Variants in NGEF observed in about 807,000 individuals in gnomAD.
NGEF encodes the protein neuronal guanine nucleotide exchange factor, also known as ephexin-1.
A neutral mutation model predicts 80.9 loss-of-function variants in NGEF; 31 were observed. That is an observed-to-expected ratio of 0.38 (90% CI 0.29 to 0.52). The LOEUF (loss-of-function observed/expected upper bound fraction) is 0.52. Among genes scored for constraint, NGEF ranks in the 20% least tolerant of loss-of-function variants. The pLI is 0.84. For synonymous variants in NGEF, 371 were observed against 370.2 expected (o/e 1.00, Z -0.03); for missense variants, 709 against 926.2 (o/e 0.77, Z 3.04).
At chr2:232,888,556 C>T (rs575652427) in intron 8 of NGEF, among the ~76,000 whole-genome samples, 1 of 152,132 alleles carries the variant, frequency 6.6e-6, no homozygotes, top group African/African-American at 2.4e-5. Flanking sequence ...TACATGCATA[C>T]CTGCACACAC....
chr2:232,929,490 G>T (rs528136020), intron 3 of NGEF, among the ~76,000 whole-genome samples: 24 of 152,186 alleles, frequency 1.6e-4, no homozygotes, highest in Middle Eastern at 3.2e-3. Context: ...CTGCCACTTA[G>T]CCCTGGTGCC....
Position 232,900,286 on chromosome 2 carries a change from GCT to G in NGEF, c.829-5372_829-5371del, listed in dbSNP as rs1437751696. On this transcript the variant is annotated intron_variant, in intron 5 of 14. Coordinates refer to ENST00000264051, the MANE Select transcript of NGEF (RefSeq NM_019850.3). Reference sequence around the variant, plus strand: ...CGTTCACTCACATTCACACACACACGCTCTCAGTCACTCATATACACGTTCAC... The same window carrying G: ...CGTTCACTCACATTCACACACACACGCTCAGTCACTCATATACACGTTCAC... Among the ~76,000 whole-genome samples the G allele has an allele frequency of 3.4e-4, 25 of 72,826 alleles. 1 individual carries two copies. Among genetic ancestry groups the G allele is most frequent in the South Asian group, 5.0e-4 (1 of 2,020 alleles). The allele number at this position is 72,826 out of a possible 152,430, so 47.8% of individuals were successfully genotyped here. A position where few individuals can be genotyped will look rare whatever the true frequency, so the allele number is the denominator to read the frequency against.
chr2:232,984,599 C>G (rs1180631036), intron 1 of NGEF, among the ~76,000 whole-genome samples: 1 of 152,122 alleles, frequency 6.6e-6, no homozygotes, highest in Non-Finnish European at 1.5e-5. Flanking sequence ...AGGCCAATGA[C>G]AGCGTGATGG....
At position 232,906,657 on chromosome 2, in the gene NGEF, G is replaced by A. The variant is rs1198834747; in HGVS notation, c.829-11741C>T. ...TGGGAAGTGAGGAGCCCCTCTGCCCGGCCACCACCCCATCTGGGAGGTGTA... is the reference window on the plus strand; with the variant it reads ...TGGGAAGTGAGGAGCCCCTCTGCCCAGCCACCACCCCATCTGGGAGGTGTA... On this transcript the variant is annotated intron_variant, in intron 5 of 14. Coordinates refer to ENST00000264051, the MANE Select transcript of NGEF (RefSeq NM_019850.3). Among the ~76,000 whole-genome samples the A allele has an allele frequency of 3.4e-5, 3 of 89,078 alleles. 1 individual carries two copies. Among genetic ancestry groups the A allele is most frequent in the South Asian group, 3.5e-4 (1 of 2,830 alleles). 58.4% of individuals were successfully genotyped at this position (89,078 alleles called of 152,430 possible). A position where few individuals can be genotyped will look rare whatever the true frequency, so the allele number is the denominator to read the frequency against.
intron 1 of NGEF, among the ~76,000 whole-genome samples, chr2:233,001,448 G>T (rs541131887): frequency 1.3e-5 from 2 of 152,212 alleles, no homozygotes; most frequent in Non-Finnish European, 2.9e-5. Flanking sequence ...CCTGAGGAAG[G>T]TTTCCTGAGG....
At position 232,925,655 on chromosome 2, in the gene NGEF, T is replaced by C. The variant is rs375296590; in HGVS notation, c.526+1389A>G. ...CACGATCTCCTCCCCAACCTGGATG[T>C]CTTTCCTGGTAGTGACACTGATCTT... is the stretch of plus-strand genomic sequence containing the variant. On this transcript the variant is annotated intron_variant, in intron 4 of 14. Coordinates refer to ENST00000264051, the MANE Select transcript of NGEF (RefSeq NM_019850.3). Among the ~76,000 whole-genome samples the C allele has an allele frequency of 5.3e-5, 8 of 152,282 alleles. No individual in the cohort carries two copies. The East Asian group carries it at 1.4e-3, about 26-fold the overall frequency.
intron 3 of NGEF, among the ~76,000 whole-genome samples, chr2:232,940,951 A>G (rs796116144): frequency 6.6e-6 from 1 of 150,378 alleles, no homozygotes; most frequent in Non-Finnish European, 1.5e-5. Flanking sequence ...AGACAGGGGA[A>G]TTGCAATAGA....
At chr2:232,960,205 T>C (rs1693917642) in intron 3 of NGEF, among the ~76,000 whole-genome samples, 2 of 152,266 alleles carry the variant, frequency 1.3e-5, no homozygotes, top group South Asian at 4.1e-4. Flanking sequence ...GTATGCTAAA[T>C]ATCAACTTAT....
chr2:232,891,431 C>T lies in NGEF; in HGVS notation c.1199G>A (p.Cys400Tyr). 1 of 1,613,476 alleles carries T rather than the reference C, an allele frequency of 6.2e-7. No homozygotes were observed. The highest frequency in any genetic ancestry group is 8.5e-7 in the Non-Finnish European group (1 of 1,179,966). Reference protein sequence around the residue: ...LIAQLELDPKCRGLPFSSFLI... With the variant: ...LIAQLELDPKYRGLPFSSFLI... ...GAAGGAGGAGAAGGGCAGCCCCCTGCACTTGGGGTCGAGCTCTAGCTGCGC... is the reference window on the plus strand; with the variant it reads ...GAAGGAGGAGAAGGGCAGCCCCCTGTACTTGGGGTCGAGCTCTAGCTGCGC... The change falls in exon 8 of 15, where the codon TGC (cysteine) becomes TAC (tyrosine). Residue 400 changes from cysteine to tyrosine, a missense_variant. Physicochemically the swap from Cys to Tyr is radical, Grantham distance 194. This residue lies in a region of NGEF where 426 missense variants were observed against 622.9 expected (regional missense o/e 0.68). Transcript: ENST00000264051.
intron 8 of NGEF, among the ~76,000 whole-genome samples, chr2:232,890,221 TGGAGGG>T (rs1691835631): frequency 6.7e-6 from 1 of 149,200 alleles, no homozygotes; most frequent in Admixed American, 6.7e-5. Context: ...GCCTGTCAGG[TGGAGGG>T]GGTCTCTGTC....
In NGEF at chr2:232,901,313, A is replaced by G. The variant is rs1008925972; in HGVS notation, c.829-6397T>C. On this transcript the variant is annotated intron_variant, in intron 5 of 14. Coordinates refer to ENST00000264051, the MANE Select transcript of NGEF (RefSeq NM_019850.3). Reference sequence around the variant, plus strand: ...CACTCGGATCAACCCTGCGTTCCCCACCCTCAGCAAAGCTCGAGGCTGCGC... The same window carrying G: ...CACTCGGATCAACCCTGCGTTCCCCGCCCTCAGCAAAGCTCGAGGCTGCGC... 82 of 959,934 alleles carry G rather than the reference A, an allele frequency of 8.5e-5. 1 individual carries two copies. The Admixed American group carries it at 1.4e-3, about 17-fold the overall frequency. The allele number at this position is 959,934 out of a possible 1,614,324, so 59.5% of individuals were successfully genotyped here.
intron 5 of NGEF, among the ~76,000 whole-genome samples, chr2:232,905,094 C>G (rs1418073583): frequency 1.3e-5 from 2 of 150,996 alleles, no homozygotes; most frequent in African/African-American, 4.8e-5. Flanking sequence ...TCTCCCCTCT[C>G]TCTCCTCTCA....
At chr2:232,975,604 C>T (rs546902969) in intron 1 of NGEF, among the ~76,000 whole-genome samples, 3 of 152,226 alleles carry the variant, frequency 2.0e-5, no homozygotes, top group East Asian at 1.9e-4. Flanking sequence ...ATCATCTGAA[C>T]GAGGACACTT....
chr2:232,963,474 T>G (rs1038439789), intron 3 of NGEF, among the ~76,000 whole-genome samples: 3 of 151,920 alleles, frequency 2.0e-5, no homozygotes, highest in Non-Finnish European at 4.4e-5. Flanking sequence ...ATAAAAAAAT[T>G]TCTAACTTAG....
At chr2:232,906,832 T>C (rs1184397273) in intron 5 of NGEF, among the ~76,000 whole-genome samples, 21 of 151,804 alleles carry the variant, frequency 1.4e-4, no homozygotes, top group African/African-American at 3.4e-4. Flanking sequence ...TTTTGTTCTG[T>C]ACTAAGAAAA....
intron 5 of NGEF, among the ~76,000 whole-genome samples, chr2:232,906,071 A>AG (rs1264612397): frequency 1.0e-5 from 1 of 96,468 alleles, no homozygotes; most frequent in Non-Finnish European, 2.1e-5. Context: ...GAGGGAGGTG[A>AG]GGGGGTCAGC....
At chr2:232,889,683 G>A (rs552973949) in intron 8 of NGEF, among the ~76,000 whole-genome samples, 19 of 152,246 alleles carry the variant, frequency 1.2e-4, no homozygotes, top group East Asian at 3.9e-4. Context: ...GGTGTCTTCC[G>A]GTTTGGGGTC....
chr2:232,891,221 G>A, intron 8 of NGEF, 137 bp downstream of exon 8: 1 of 1,193,286 alleles, frequency 8.4e-7, no homozygotes, highest in Admixed American at 2.0e-5. Context: ...TCACTGCCCA[G>A]GAACGTGCTT....
chr2:232,998,000 G>T (rs565025576), intron 1 of NGEF, among the ~76,000 whole-genome samples: 14 of 152,298 alleles, frequency 9.2e-5, no homozygotes, highest in Non-Finnish European at 1.6e-4. Flanking sequence ...GCCACCTGCA[G>T]CCCCTCTCTG....
Sources: gnomAD v4.1 joint callset for allele counts (sites outside exome capture counted in the v4.1 genomes callset) on GRCh38, gnomAD v4.1.1 for gene constraint, gnomAD v4.1.1 regional missense constraint, MANE v1.5 for transcripts, NCBI Gene and HGNC (gene_info 2026-07-23, HGNC 2026-07-21) for gene names.